SLC44A5: variants seen among roughly 807,000 people sequenced by gnomAD.
The protein encoded by SLC44A5 is solute carrier family 44 member 5.
Under a neutral mutation model 101.8 loss-of-function variants are expected in SLC44A5, and 57 were observed. The ratio of observed to expected loss-of-function variants is 0.56; its 90% CI spans 0.45 to 0.70. The LOEUF is 0.70. SLC44A5 is among the 30% of genes least tolerant of loss of function. The pLI is 0.00. For synonymous variants in SLC44A5, 281 were observed against 290.9 expected (o/e 0.97, Z 0.35); for missense variants, 737 against 853.1 (o/e 0.86, Z 1.70).
At chr1:75,720,696 C>T in the SLC44A5 span, among the ~76,000 whole-genome samples, 3 of 151,984 alleles carry the variant, frequency 2.0e-5, no homozygotes, top group Non-Finnish European at 2.9e-5. Context: ...TGATCATGGC[C>T]CACGACACAG....
chr1:75,602,910 C>T (rs1415273473), intron 1 of SLC44A5, among the ~76,000 whole-genome samples: 1 of 151,994 alleles, frequency 6.6e-6, no homozygotes, highest in Non-Finnish European at 1.5e-5. Flanking sequence ...TCCTGTAAGG[C>T]AAATCTAGAG....
intron 1 of SLC44A5, 24 bp downstream of exon 1, chr1:75,611,016 C>A (rs957249595): frequency 2.0e-6 from 2 of 978,526 alleles, no homozygotes; most frequent in Non-Finnish European, 1.2e-6. Context: ...ACATAGACTT[C>A]TTGCATTTAG....
chr1:75,444,016 G>T (rs1209399547), intron 2 of SLC44A5, among the ~76,000 whole-genome samples: 1 of 151,886 alleles, frequency 6.6e-6, no homozygotes, highest in African/African-American at 2.4e-5. Context: ...GTAAAGAGAA[G>T]AAAATAAATA....
At chr1:75,207,088 T>A (rs1646762555) in intron 23 of SLC44A5, among the ~76,000 whole-genome samples, 1 of 152,204 alleles carries the variant, frequency 6.6e-6, no homozygotes, top group Admixed American at 6.5e-5. Context: ...AGTATATTAA[T>A]TCTGTGATAA....
At chr1:75,435,387 T>G (rs150846595) in intron 2 of SLC44A5, among the ~76,000 whole-genome samples, 1 of 152,302 alleles carries the variant, frequency 6.6e-6, no homozygotes, top group African/African-American at 2.4e-5. Context: ...TTTAAATCAT[T>G]AATCTTTTAC....
At chr1:75,590,739 A>G (rs1180805224) in intron 1 of SLC44A5, among the ~76,000 whole-genome samples, 1 of 152,160 alleles carries the variant, frequency 6.6e-6, no homozygotes, top group African/African-American at 2.4e-5. Flanking sequence ...GGAAAGAAAG[A>G]GTGGGAAGGA....
intron 6 of SLC44A5, among the ~76,000 whole-genome samples, chr1:75,263,381 AG>A (rs1650702872): frequency 2.0e-5 from 3 of 152,198 alleles, no homozygotes; most frequent in Admixed American, 6.5e-5. Context: ...TATGAAAAAA[AG>A]CTCATCATCA....
chr1:75,423,881 G>A (rs1051941933), intron 2 of SLC44A5, among the ~76,000 whole-genome samples: 2 of 152,214 alleles, frequency 1.3e-5, no homozygotes, highest in Non-Finnish European at 2.9e-5. Context: ...AACACCATTA[G>A]TTTCCTATGG....
the SLC44A5 span, among the ~76,000 whole-genome samples, chr1:75,616,353 G>A: frequency 2.0e-5 from 3 of 152,058 alleles, no homozygotes; most frequent in African/African-American, 4.8e-5. Context: ...GCGGCGGCGG[G>A]GAGCTGCTGG....
the SLC44A5 span, among the ~76,000 whole-genome samples, chr1:75,664,929 G>GAAAAAAAAAAAAAAAAAAAAAAA: frequency 7.7e-6 from 1 of 130,190 alleles, no homozygotes; most frequent in Non-Finnish European, 1.6e-5. Flanking sequence ...TCAAAAAAAA[G>GAAAAAAAAAAAAAAAAAAAAAAA]AAAAAAAAAA....
In SLC44A5 at chr1:75,318,018, T is replaced by G. The variant is rs544298153; in HGVS notation, c.102-17333A>C. Among the ~76,000 whole-genome samples, 87 of 152,252 alleles carry G rather than the reference T, an allele frequency of 5.7e-4. No homozygotes were observed. The South Asian group carries it at 0.013, about 23-fold the overall frequency. On this transcript the variant is annotated intron_variant, in intron 4 of 23. Transcript: ENST00000370859. The stretch of plus-strand genomic sequence containing the variant: ...AGAATAGAACCTACTCTCATTTGGG[T>G]GTGCCATCCCTCTTGCATACAGTAA...
the SLC44A5 span, among the ~76,000 whole-genome samples, chr1:75,709,075 C>T: frequency 3.3e-5 from 5 of 152,074 alleles, no homozygotes; most frequent in African/African-American, 1.2e-4. Flanking sequence ...TGATTTTGAC[C>T]TCCCAATAAC....
intron 2 of SLC44A5, among the ~76,000 whole-genome samples, chr1:75,502,770 T>A (rs992673348): frequency 3.3e-5 from 5 of 149,318 alleles, no homozygotes; most frequent in African/African-American, 1.2e-4. Context: ...CACCTATAAA[T>A]GGACTTAGAA....
At position 75,573,168 on chromosome 1, in the gene SLC44A5, A is replaced by AAAGG. The variant is rs369210467; in HGVS notation, c.-69-31656_-69-31653dup. Among the ~76,000 whole-genome samples, 748 of 149,806 alleles carry AAAGG rather than the reference A, an allele frequency of 5.0e-3. 11 individuals carry two copies. The highest frequency in any genetic ancestry group is 0.017 in the African/African-American group (706 of 40,430). Reference sequence around the variant, plus strand: ...AAAAAAAAAAAAGGAAATAGTATATAAAGGTACTAAAGCAAGAAATAATGA... The same window carrying AAAGG: ...AAAAAAAAAAAAGGAAATAGTATATAAAGGAAGGTACTAAAGCAAGAAATAATGA... On this transcript the variant is annotated intron_variant, in intron 1 of 23. Coordinates refer to ENST00000370859, the MANE Select transcript of SLC44A5 (RefSeq NM_001130058.2).
chr1:75,720,000 G>C, the SLC44A5 span, among the ~76,000 whole-genome samples: 1 of 152,166 alleles, frequency 6.6e-6, no homozygotes, highest in Non-Finnish European at 1.5e-5. Context: ...CCCCTGTTCT[G>C]GGAAGGCTTC....
At chr1:75,701,609 T>C in the SLC44A5 span, among the ~76,000 whole-genome samples, 285 of 152,228 alleles carry the variant, frequency 1.9e-3, 6 homozygotes, top group Non-Finnish European at 2.8e-4. Flanking sequence ...GACAGGGATG[T>C]CCTCTCTCAC....
chr1:75,522,083 T>C (rs1453161919), intron 2 of SLC44A5: 1 of 152,222 alleles, frequency 6.6e-6, no homozygotes, highest in African/African-American at 2.4e-5. Context: ...AGAGCTCAGA[T>C]ATCTCCCCTG....
chr1:75,284,655 T>C (rs1414337391), intron 5 of SLC44A5, among the ~76,000 whole-genome samples: 1 of 152,130 alleles, frequency 6.6e-6, no homozygotes, highest in Admixed American at 6.5e-5. Flanking sequence ...TTTTCATAAA[T>C]GGCTTTTATT....
intron 23 of SLC44A5, among the ~76,000 whole-genome samples, chr1:75,207,668 C>CT (rs1454636660): frequency 1.3e-5 from 2 of 151,872 alleles, no homozygotes; most frequent in Admixed American, 6.6e-5. Context: ...GAACATTTTG[C>CT]TTTTTTTTGT....
Sources: allele counts gnomAD v4.1 joint callset (sites outside exome capture counted in the v4.1 genomes callset), GRCh38; gene constraint gnomAD v4.1.1; transcripts MANE v1.5; gene names NCBI Gene and HGNC (gene_info 2026-07-23, HGNC 2026-07-21).